Variants in ARB2A observed in about 807,000 individuals in gnomAD.
The protein encoded by ARB2A is cotranscriptional regulator ARB2A.
chr5:93,809,164 T>C, the ARB2A span, among the ~76,000 whole-genome samples: 3 of 152,138 alleles, frequency 2.0e-5, no homozygotes, highest in South Asian at 6.2e-4. Context: ...TCCTCTACTG[T>C]ACAGTTCACT....
chr5:93,745,011 A>T, the ARB2A span, among the ~76,000 whole-genome samples: 2 of 152,248 alleles, frequency 1.3e-5, no homozygotes, highest in Non-Finnish European at 1.5e-5. Context: ...TATTATTATG[A>T]TCTTTGGAAT....
At chr5:94,077,836 A>G in the ARB2A span, among the ~76,000 whole-genome samples, 5 of 152,254 alleles carry the variant, frequency 3.3e-5, no homozygotes, top group African/African-American at 1.2e-4. Flanking sequence ...AAATGGTTAC[A>G]GTACAAACTA....
At chr5:93,914,734 T>A in the ARB2A span, among the ~76,000 whole-genome samples, 20 of 152,024 alleles carry the variant, frequency 1.3e-4, no homozygotes, top group South Asian at 4.1e-3. Context: ...TAGATCTGTA[T>A]AAAAACTCAT....
the ARB2A span, among the ~76,000 whole-genome samples, chr5:94,002,730 T>C: frequency 6.6e-6 from 1 of 152,032 alleles, no homozygotes; most frequent in Non-Finnish European, 1.5e-5. Flanking sequence ...TCAACTCTTT[T>C]AAAATAATAA....
chr5:93,907,894 C>T, the ARB2A span, among the ~76,000 whole-genome samples: 4 of 151,142 alleles, frequency 2.6e-5, no homozygotes, highest in Admixed American at 2.6e-4. Context: ...TCAAAAATTT[C>T]TTTAGTAGGA....
the ARB2A span, among the ~76,000 whole-genome samples, chr5:93,957,194 C>T: frequency 6.6e-6 from 1 of 152,100 alleles, no homozygotes; most frequent in Non-Finnish European, 1.5e-5. Flanking sequence ...GCATGGTTTT[C>T]CATATAGACT....
the ARB2A span, among the ~76,000 whole-genome samples, chr5:94,058,656 G>A: frequency 9.6e-4 from 146 of 152,278 alleles, no homozygotes; most frequent in African/African-American, 3.4e-3. Context: ...TATCCAAAAT[G>A]AAGCAGAGAA....
chr5:93,964,638 G>A, the ARB2A span: 2 of 637,000 alleles, frequency 3.1e-6, no homozygotes, highest in South Asian at 2.1e-5. Context: ...CTTCATCTTG[G>A]AATGCTCTGA....
the ARB2A span, among the ~76,000 whole-genome samples, chr5:94,028,152 C>A: frequency 6.6e-6 from 1 of 152,164 alleles, no homozygotes; most frequent in Non-Finnish European, 1.5e-5. Context: ...TGTTCTTTGT[C>A]CCAGATAGAC....
At chr5:94,108,717 T>G in the ARB2A span, among the ~76,000 whole-genome samples, 7 of 151,886 alleles carry the variant, frequency 4.6e-5, no homozygotes, top group Non-Finnish European at 1.0e-4. Flanking sequence ...ACAAAAAATG[T>G]GTTTGGCAAG....
At chr5:93,765,146 G>A in the ARB2A span, among the ~76,000 whole-genome samples, 1 of 152,182 alleles carries the variant, frequency 6.6e-6, no homozygotes, top group Admixed American at 6.5e-5. Flanking sequence ...AGACAGGGAT[G>A]CCCTCTCTCA....
the ARB2A span, among the ~76,000 whole-genome samples, chr5:93,815,435 T>C: frequency 0.82 from 125,056 of 152,086 alleles, 51,722 homozygotes; most frequent in East Asian, 0.95. Context: ...TTTATTGCCA[T>C]AGAAACCAGA....
chr5:94,092,654 T>A, the ARB2A span, among the ~76,000 whole-genome samples: 1 of 152,330 alleles, frequency 6.6e-6, no homozygotes, highest in Non-Finnish European at 1.5e-5. Context: ...TATACTTAGT[T>A]CCTCAAATAT....
At chr5:93,801,546 T>C in the ARB2A span, among the ~76,000 whole-genome samples, 5 of 152,126 alleles carry the variant, frequency 3.3e-5, no homozygotes, top group African/African-American at 1.2e-4. Flanking sequence ...ATTAAAAATA[T>C]ATGTTTTAAT....
At chr5:93,661,220 A>C in the ARB2A span, among the ~76,000 whole-genome samples, 1 of 152,158 alleles carries the variant, frequency 6.6e-6, no homozygotes. Flanking sequence ...AATACAGAGT[A>C]CTATGGGAGC....
the ARB2A span, among the ~76,000 whole-genome samples, chr5:94,007,006 T>C: frequency 1.3e-5 from 2 of 152,202 alleles, no homozygotes; most frequent in Admixed American, 6.5e-5. Flanking sequence ...TATAGAAACA[T>C]TTATTGTTCT....
the ARB2A span, among the ~76,000 whole-genome samples, chr5:93,896,892 C>T: frequency 1.3e-5 from 2 of 151,982 alleles, no homozygotes; most frequent in Non-Finnish European, 2.9e-5. Context: ...AATACATTAA[C>T]ATTTTCCTTA....
At chr5:94,088,765 G>A in the ARB2A span, among the ~76,000 whole-genome samples, 23 of 152,264 alleles carry the variant, frequency 1.5e-4, no homozygotes, top group Non-Finnish European at 1.0e-4. Flanking sequence ...ATTTCCACTA[G>A]TAAGTATAAT....
chr5:93,858,327 T>C, the ARB2A span, among the ~76,000 whole-genome samples: 1 of 152,232 alleles, frequency 6.6e-6, no homozygotes, highest in Non-Finnish European at 1.5e-5. Flanking sequence ...CCACATTGTT[T>C]GCACAATCAT....
Sources: allele counts gnomAD v4.1 joint callset (sites outside exome capture counted in the v4.1 genomes callset), GRCh38; gene constraint gnomAD v4.1.1; transcripts MANE v1.5; gene names NCBI Gene and HGNC (gene_info 2026-07-23, HGNC 2026-07-21).